The following DST variants were observed in gnomAD, a reference collection of about 807,000 sequenced individuals.
The protein encoded by DST is dystonin.
In DST, 253 loss-of-function variants were observed where a neutral mutation model predicts 875.2. The observed-to-expected ratio is 0.29, with a 90% CI of 0.26 to 0.32. The LOEUF (loss-of-function observed/expected upper bound fraction) is 0.32, where lower values mean the gene tolerates loss of function less well. Ranked by LOEUF, DST falls within the 10% of genes least tolerant of loss-of-function variation. The pLI, the probability that DST is intolerant of heterozygous loss-of-function variation, is 1.00. For missense variants in DST, 8,287 were observed against 9,111.6 expected, an observed-to-expected ratio of 0.91 and a Z score of 3.68; for synonymous variants, 3,124 against 3,197.1, an observed-to-expected ratio of 0.98 and a Z score of 0.77.
At chr6:56,680,851 T>C (rs1191131680) in intron 9 of DST, among the ~76,000 whole-genome samples, 1 of 152,192 alleles carries the variant, frequency 6.6e-6, no homozygotes, top group Non-Finnish European at 1.5e-5. Context: ...CTCCCTATCA[T>C]ACACTTCTAT....
At chr6:56,887,911 C>A (rs1035858807) in intron 3 of DST, among the ~76,000 whole-genome samples, 1 of 151,872 alleles carries the variant, frequency 6.6e-6, no homozygotes, top group African/African-American at 2.4e-5. Context: ...TATTCCAATA[C>A]CTTACTGTAA....
chr6:56,485,537 A>G, intron 87 of DST, 66 bp from the exon 88 acceptor site: 2 of 1,485,046 alleles, frequency 1.3e-6, no homozygotes. Flanking sequence ...CTGAACATCT[A>G]AAATTAATTG....
chr6:56,642,844 G>A, intron 15 of DST: 6 of 1,609,646 alleles, frequency 3.7e-6, no homozygotes, highest in Non-Finnish European at 5.1e-6. Flanking sequence ...CTAAAAGGTA[G>A]GAGGTCTGGA....
chr6:56,839,894 G>T (rs1473666611), intron 4 of DST, among the ~76,000 whole-genome samples: 1 of 152,142 alleles, frequency 6.6e-6, no homozygotes, highest in Admixed American at 6.5e-5. Context: ...TGAGGGGGTG[G>T]AGTGGGGTTA....
chr6:56,793,121 CT>C (rs1389106627), intron 4 of DST, among the ~76,000 whole-genome samples: 1 of 141,718 alleles, frequency 7.1e-6, no homozygotes, highest in Non-Finnish European at 1.5e-5. Context: ...GGAGAGGGCA[CT>C]GTTCTAGCAA....
intron 10 of DST, among the ~76,000 whole-genome samples, chr6:56,659,625 A>G (rs557165103): frequency 6.6e-6 from 1 of 152,268 alleles, no homozygotes; most frequent in Non-Finnish European, 1.5e-5. Flanking sequence ...TGTGTTGAAG[A>G]ATGAGTATGA....
chr6:56,795,269 A>G, intron 4 of DST, among the ~76,000 whole-genome samples: 1 of 152,060 alleles, frequency 6.6e-6, no homozygotes, highest in Non-Finnish European at 1.5e-5. Context: ...GAAAAGGAAA[A>G]CTCAGTGAAA....
intron 50 of DST, among the ~76,000 whole-genome samples, chr6:56,574,721 T>C (rs1389450030): frequency 6.6e-6 from 1 of 152,158 alleles, no homozygotes; most frequent in Non-Finnish European, 1.5e-5. Flanking sequence ...TTCTATATTG[T>C]AGACCAATGA....
chr6:56,865,970 TTTTTTTTGTTTTTG>T (rs1282625394), intron 3 of DST, among the ~76,000 whole-genome samples: 1 of 152,082 alleles, frequency 6.6e-6, no homozygotes, highest in South Asian at 2.1e-4. Context: ...GAGCTATGTT[TTTTTTTTGTTTTTG>T]TTTTTTTGTT....
intron 33 of DST, 127 bp from the exon 34 acceptor site, chr6:56,627,414 T>C (rs1424786820): frequency 4.2e-5 from 32 of 753,994 alleles, no homozygotes; most frequent in Non-Finnish European, 7.4e-5. Context: ...TTGCACTTAA[T>C]ACACAACTTG....
chr6:56,779,141 T>C (rs1305863928), intron 4 of DST, among the ~76,000 whole-genome samples: 1 of 152,128 alleles, frequency 6.6e-6, no homozygotes, highest in Non-Finnish European at 1.5e-5. Context: ...CCAGTGATGA[T>C]GAGCATTTTT....
chr6:56,763,868 G>T (rs2099625294), intron 4 of DST, among the ~76,000 whole-genome samples: 1 of 151,936 alleles, frequency 6.6e-6, no homozygotes, highest in African/African-American at 2.4e-5. Flanking sequence ...AATGTACTTA[G>T]ACTAAGTACA....
At chr6:56,504,549 A>G (rs1280633362) in intron 77 of DST, among the ~76,000 whole-genome samples, 1 of 152,186 alleles carries the variant, frequency 6.6e-6, no homozygotes, top group Admixed American at 6.6e-5. Context: ...TATTATTTAG[A>G]TTAGCATTAA....
intron 4 of DST, among the ~76,000 whole-genome samples, chr6:56,804,772 T>C (rs945940868): frequency 2.0e-5 from 3 of 152,298 alleles, no homozygotes; most frequent in Middle Eastern, 3.4e-3. Flanking sequence ...ACAAGAACAC[T>C]TCTCGCCCAT....
At chr6:56,624,699 T>A in intron 35 of DST, 71 bp from the exon 36 acceptor site, 1 of 1,017,448 alleles carries the variant, frequency 9.8e-7, no homozygotes, top group Non-Finnish European at 1.5e-6. Flanking sequence ...GAATTTTGAA[T>A]AATAATTACA....
At chr6:56,509,347 T>G (rs1383469203) in intron 74 of DST, among the ~76,000 whole-genome samples, 1 of 152,200 alleles carries the variant, frequency 6.6e-6, no homozygotes, top group African/African-American at 2.4e-5. Flanking sequence ...ATGGCCTTAT[T>G]AGCAATATGC....
intron 100 of DST, 24 bp downstream of exon 100, chr6:56,464,661 G>A: frequency 6.7e-7 from 1 of 1,502,360 alleles, no homozygotes; most frequent in East Asian, 2.3e-5. Context: ...AAAGAGGGGA[G>A]AGGCAAAGAG....
chr6:56,582,328 C>T (rs534517347), intron 49 of DST, among the ~76,000 whole-genome samples: 3 of 152,276 alleles, frequency 2.0e-5, no homozygotes, highest in South Asian at 2.1e-4. Context: ...GTGCTGTCCT[C>T]GACAGTGAGT....
At chr6:56,558,865 A>G (rs532843391) in intron 58 of DST, among the ~76,000 whole-genome samples, 4 of 152,124 alleles carry the variant, frequency 2.6e-5, no homozygotes, top group East Asian at 1.9e-4. Flanking sequence ...CCTCCTCTCT[A>G]TATATCCCAA....
Sources: allele counts gnomAD v4.1 joint callset (sites outside exome capture counted in the v4.1 genomes callset), GRCh38; gene constraint gnomAD v4.1.1; transcripts MANE v1.5; gene names NCBI Gene and HGNC (gene_info 2026-07-23, HGNC 2026-07-21).